Variants in WWOX observed in about 807,000 individuals in gnomAD.
The protein encoded by WWOX is WW domain containing oxidoreductase.
Under a neutral mutation model 46.2 loss-of-function variants are expected in WWOX, and 69 were observed. The observed-to-expected ratio is 1.49, with a 90% CI of 1.23 to 1.82. The LOEUF is 1.82. WWOX is among the 40% of genes most tolerant of loss of function. WWOX has a pLI of 0.00. For synonymous variants in WWOX, 359 were observed against 202.6 expected, an observed-to-expected ratio of 1.77 and a Z score of -6.56; for missense variants, 919 against 542.6, an observed-to-expected ratio of 1.69 and a Z score of -6.89.
At chr16:79,175,635 G>A (rs2050785255) in intron 8 of WWOX, among the ~76,000 whole-genome samples, 1 of 152,196 alleles carries the variant, frequency 6.6e-6, no homozygotes, top group Non-Finnish European at 1.5e-5. Context: ...GTCTAACTCA[G>A]CTGTGATGAG....
At chr16:78,310,205 C>T (rs1013087921) in intron 5 of WWOX, among the ~76,000 whole-genome samples, 1 of 152,054 alleles carries the variant, frequency 6.6e-6, no homozygotes, top group Non-Finnish European at 1.5e-5. Context: ...ATTGTGTTTC[C>T]TTCTACCCAC....
intron 8 of WWOX, among the ~76,000 whole-genome samples, chr16:78,785,065 T>C (rs2050421471): frequency 6.6e-6 from 1 of 152,148 alleles, no homozygotes; most frequent in Non-Finnish European, 1.5e-5. Context: ...TTCTAAAGAC[T>C]TGGGCAGTCT....
intron 8 of WWOX, among the ~76,000 whole-genome samples, chr16:78,999,960 T>C (rs915878694): frequency 6.6e-6 from 1 of 152,220 alleles, no homozygotes; most frequent in African/African-American, 2.4e-5. Context: ...GGGAGCATTT[T>C]TTTTTCCTTA....
In WWOX at chr16:78,249,703, C is replaced by G. The variant is rs181934845; in HGVS notation, c.516+85414C>G. On this transcript the variant is annotated intron_variant, in intron 5 of 8. Transcript: ENST00000566780. Reference sequence around the variant, plus strand: ...CTTAGGTGGACCAAAATGATCATTTCAACAACATTTCGGACTTGATTTTTT... The same window carrying G: ...CTTAGGTGGACCAAAATGATCATTTGAACAACATTTCGGACTTGATTTTTT... Among the ~76,000 whole-genome samples, 26 of 152,270 alleles carry G rather than the reference C, an allele frequency of 1.7e-4. No individual in the cohort carries two copies. The East Asian group carries it at 4.8e-3, about 28-fold the overall frequency.
intron 8 of WWOX, among the ~76,000 whole-genome samples, chr16:79,038,296 C>T (rs892724498): frequency 6.6e-6 from 1 of 151,764 alleles, no homozygotes; most frequent in African/African-American, 2.4e-5. Context: ...CATAAAAGGG[C>T]GTTTCAAAGT....
intron 5 of WWOX, among the ~76,000 whole-genome samples, chr16:78,172,634 A>C (rs2151744622): frequency 6.6e-6 from 1 of 151,090 alleles, no homozygotes; most frequent in East Asian, 1.9e-4. Context: ...TCTTGAACCG[A>C]ATCTTTCAAA....
At chr16:78,865,004 C>T (rs138599692) in intron 8 of WWOX, among the ~76,000 whole-genome samples, 1 of 151,940 alleles carries the variant, frequency 6.6e-6, no homozygotes, top group Non-Finnish European at 1.5e-5. Flanking sequence ...CTCAAGTGAT[C>T]CACCCATCTT....
chr16:78,881,648 C>G (rs1166976992), intron 8 of WWOX, among the ~76,000 whole-genome samples: 1 of 152,144 alleles, frequency 6.6e-6, no homozygotes, highest in Non-Finnish European at 1.5e-5. Flanking sequence ...CTTCTTAGCT[C>G]CATTGTGTTA....
At chr16:78,937,022 T>G (rs1243498726) in intron 8 of WWOX, among the ~76,000 whole-genome samples, 1 of 152,228 alleles carries the variant, frequency 6.6e-6, no homozygotes, top group Non-Finnish European at 1.5e-5. Flanking sequence ...TGGTACAATA[T>G]GTACTAAACC....
chr16:78,591,432 T>C (rs1051465899), intron 8 of WWOX, among the ~76,000 whole-genome samples: 2 of 152,196 alleles, frequency 1.3e-5, no homozygotes, highest in African/African-American at 4.8e-5. Context: ...CACGTAGACC[T>C]TCCCTCACAC....
chr16:78,980,340 G>C lies in WWOX; in HGVS notation c.1057-231268G>C, dbSNP rs564221786. On this transcript the variant is annotated intron_variant, in intron 8 of 8. Coordinates refer to ENST00000566780, the MANE Select transcript of WWOX (RefSeq NM_016373.4). ...TTCAGGATTTCCATGTCTTTATTTT[G>C]AGTAAACACTTGCACTGCTAATTTT... 2.6e-5 allele frequency among the ~76,000 whole-genome samples: 4 copies of C among 152,202 alleles called. No homozygotes were observed. The South Asian group carries it at 8.3e-4, about 32-fold the overall frequency.
chr16:78,307,738 C>A (rs531137511), intron 5 of WWOX, among the ~76,000 whole-genome samples: 1 of 152,056 alleles, frequency 6.6e-6, no homozygotes, highest in Non-Finnish European at 1.5e-5. Flanking sequence ...AGAGTAAAGG[C>A]ACCTGCCTCC....
At chr16:78,631,192 G>C (rs1412491348) in intron 8 of WWOX, among the ~76,000 whole-genome samples, 1 of 152,138 alleles carries the variant, frequency 6.6e-6, no homozygotes, top group Non-Finnish European at 1.5e-5. Context: ...GTCCCCTTTG[G>C]ATACTGAGGG....
intron 8 of WWOX, among the ~76,000 whole-genome samples, chr16:79,160,795 A>T (rs985157723): frequency 2.0e-5 from 3 of 152,216 alleles, no homozygotes; most frequent in Admixed American, 2.0e-4. Context: ...GTCTGTGTGT[A>T]CATATATGTA....
intron 4 of WWOX, among the ~76,000 whole-genome samples, chr16:78,121,373 A>T (rs2033084054): frequency 6.6e-6 from 1 of 152,202 alleles, no homozygotes; most frequent in Non-Finnish European, 1.5e-5. Context: ...AGTGTTAGAC[A>T]AAGTCCTTAA....
chr16:78,723,360 C>A (rs921545934), intron 8 of WWOX, among the ~76,000 whole-genome samples: 2 of 152,090 alleles, frequency 1.3e-5, no homozygotes, highest in Non-Finnish European at 2.9e-5. Context: ...AAAGAGCCTT[C>A]CCCTATGAGA....
At chr16:78,750,635 C>T (rs1325503170) in intron 8 of WWOX, among the ~76,000 whole-genome samples, 1 of 152,076 alleles carries the variant, frequency 6.6e-6, no homozygotes, top group East Asian at 1.9e-4. Flanking sequence ...ATCCTTTTCT[C>T]CTTCCCTCCC....
chr16:78,640,538 A>AC (rs1253689811), intron 8 of WWOX, among the ~76,000 whole-genome samples: 2 of 152,128 alleles, frequency 1.3e-5, no homozygotes, highest in Non-Finnish European at 2.9e-5. Context: ...CGTGCTGAAT[A>AC]TGTAGGTGAT....
intron 8 of WWOX, among the ~76,000 whole-genome samples, chr16:78,566,718 A>T (rs1037185712): frequency 6.6e-6 from 1 of 152,168 alleles, no homozygotes; most frequent in Non-Finnish European, 1.5e-5. Context: ...GTGACACCAA[A>T]GTGGGCTTTA....
Sources: gnomAD v4.1 joint callset for allele counts (sites outside exome capture counted in the v4.1 genomes callset) on GRCh38, gnomAD v4.1.1 for gene constraint, MANE v1.5 for transcripts, NCBI Gene and HGNC (gene_info 2026-07-23, HGNC 2026-07-21) for gene names.